The following TAF11 variants were observed in gnomAD, a reference collection of about 807,000 sequenced individuals.
TAF11 encodes the protein TATA-box binding protein associated factor 11.
A neutral mutation model predicts 23.0 loss-of-function variants in TAF11; 10 were observed. That is an observed-to-expected ratio of 0.43 (90% CI 0.27 to 0.74). The LOEUF (loss-of-function observed/expected upper bound fraction) is 0.74. Ranked by LOEUF, TAF11 falls within the 30% of genes least tolerant of loss-of-function variation. The probability of loss-of-function intolerance (pLI) is 0.19; values close to 1 mark genes in which losing one functional copy is unlikely to be tolerated. For synonymous variants in TAF11, 85 were observed against 95.8 expected (o/e 0.89, Z 0.66); for missense variants, 196 against 261.7 (o/e 0.75, Z 1.73).
rs1766341353 is a variant in TAF11 at position 34,878,067 on chromosome 6, A to G, written c.*523T>C. 1 of 152,498 alleles carries G rather than the reference A, an allele frequency of 6.6e-6. No individual in the cohort carries two copies. Among genetic ancestry groups the G allele is most frequent in the Non-Finnish European group, 1.5e-5 (1 of 68,348 alleles). 9.4% of individuals were successfully genotyped at this position (152,498 alleles called of 1,614,324 possible). On this transcript the variant is annotated 3_prime_UTR_variant, in exon 5 of 5. Coordinates refer to ENST00000361288, the MANE Select transcript of TAF11 (RefSeq NM_005643.4). The stretch of plus-strand genomic sequence containing the variant: ...GAGTTCACGACCAGCCTGGGCAACA[A>G]AGCAAGACCCCATCTCCATAAAAAA...
In TAF11 at chr6:34,879,823, C is replaced by G. The variant is rs140797884; in HGVS notation, c.505+144G>C. On this transcript the variant is annotated intron_variant, in intron 4 of 4. Coordinates refer to ENST00000361288, the MANE Select transcript of TAF11 (RefSeq NM_005643.4). ...TTGCAAGGAATAACAGTCATGTTCT[C>G]CTAAATAAAGGGCTCCCCACTTGGT... 1.2e-4 allele frequency: 172 copies of G among 1,442,692 alleles called. No homozygotes were observed. The African/African-American group carries it at 1.8e-3, about 15-fold the overall frequency. The allele number at this position is 1,442,692 out of a possible 1,614,324, so 89.4% of individuals were successfully genotyped here.
chr6:34,880,158 G>T lies in TAF11; in HGVS notation c.409-95C>A. The stretch of plus-strand genomic sequence containing the variant: ...ATTCACAGAAAAAGGTAAGATAACT[G>T]AAGTGCATTTTTTTTCCCACCTAAA... On this transcript the variant is annotated intron_variant, in intron 3 of 4. Transcript: ENST00000361288. The surrounding 1 kb of genome is among the most constrained non-coding windows in gnomAD (Gnocchi z 4.8). The T allele has an allele frequency of 2.0e-6, 3 of 1,526,456 alleles. No individual in the cohort carries two copies. Among genetic ancestry groups the T allele is most frequent in the Non-Finnish European group, 2.7e-6 (3 of 1,105,702 alleles). 94.6% of individuals were successfully genotyped at this position (1,526,456 alleles called of 1,614,324 possible).
intron 1 of TAF11, among the ~76,000 whole-genome samples, chr6:34,884,730 G>C (rs962291345): frequency 6.6e-6 from 1 of 152,120 alleles, no homozygotes; most frequent in Non-Finnish European, 1.5e-5. Flanking sequence ...ACTCATACAG[G>C]AATATGGGAA....
At chr6:34,884,696 C>T (rs1766499522) in intron 1 of TAF11, among the ~76,000 whole-genome samples, 1 of 152,128 alleles carries the variant, frequency 6.6e-6, no homozygotes, top group South Asian at 2.1e-4. Flanking sequence ...TTTAACTTGT[C>T]CCTAAAGAGG....
rs746169808 is a variant in TAF11 at position 34,883,098 on chromosome 6, ACT to A, written c.172-20_172-19del. ...CTCTCGAGCTGGGAAGATGAAAGAAACTCTATTATATATTTGGCCTACTTTCC... is the reference window on the plus strand; with the variant it reads ...CTCTCGAGCTGGGAAGATGAAAGAAACTATTATATATTTGGCCTACTTTCC... On this transcript the variant is annotated intron_variant, in intron 1 of 4. Coordinates refer to ENST00000361288, the MANE Select transcript of TAF11 (RefSeq NM_005643.4). 1.9e-6 allele frequency: 3 copies of A among 1,602,298 alleles called. No individual in the cohort carries two copies. The highest frequency in any genetic ancestry group is 1.7e-5 in the Admixed American group (1 of 57,312).
At chr6:34,887,645 C>T in intron 1 of TAF11, 142 bp downstream of exon 1, 3 of 1,020,536 alleles carry the variant, frequency 2.9e-6, no homozygotes, top group Non-Finnish European at 4.4e-6. Flanking sequence ...CCCTCTCTTC[C>T]CCCTCAAGAT....
At position 34,887,960 on chromosome 6, in the gene TAF11, C is replaced by G. The variant is rs1157546230; in HGVS notation, c.-3G>C. 1 of 1,613,988 alleles carries G rather than the reference C, an allele frequency of 6.2e-7. No individual in the cohort carries two copies. Among genetic ancestry groups the G allele is most frequent in the South Asian group, 1.1e-5 (1 of 91,084 alleles). ...GGCGACTCGTGGGCATCGTCCATCA[C>G]GGATAGGATTGGAGGGGAGAGGAGA... is the stretch of plus-strand genomic sequence containing the variant. On this transcript the variant is annotated 5_prime_UTR_variant, in exon 1 of 5. Transcript: ENST00000361288.
chr6:34,883,780 A>G (rs1766486751), intron 1 of TAF11, among the ~76,000 whole-genome samples: 1 of 152,218 alleles, frequency 6.6e-6, no homozygotes, highest in African/African-American at 2.4e-5. Context: ...CACTTCTCAA[A>G]ACAAGACATA....
Position 34,880,461 on chromosome 6 carries a change from C to T in TAF11, c.321-85G>A. The T allele has an allele frequency of 7.4e-7, 1 of 1,344,412 alleles. No homozygotes were observed. Among genetic ancestry groups the T allele is most frequent in the Non-Finnish European group, 1.0e-6 (1 of 960,086 alleles). The allele number at this position is 1,344,412 out of a possible 1,614,324, so 83.3% of individuals were successfully genotyped here. Reference sequence around the variant, plus strand: ...AAGTCAATAAAAGTTTCAGACAATTCAAAAACGAATTCTTAAAGGGGTCAA... The same window carrying T: ...AAGTCAATAAAAGTTTCAGACAATTTAAAAACGAATTCTTAAAGGGGTCAA... On this transcript the variant is annotated intron_variant, in intron 2 of 4. Coordinates refer to ENST00000361288, the MANE Select transcript of TAF11 (RefSeq NM_005643.4). The surrounding 1 kb of genome is among the most constrained non-coding windows in gnomAD (Gnocchi z 4.8).
chr6:34,886,238 G>A (rs929055909), intron 1 of TAF11, among the ~76,000 whole-genome samples: 1 of 151,990 alleles, frequency 6.6e-6, no homozygotes, highest in South Asian at 2.1e-4. Context: ...CCAGGAGGCA[G>A]AGACTGTGCC....
At position 34,880,207 on chromosome 6, in the gene TAF11, C is replaced by T; in HGVS notation, c.408+82G>A. 7 of 1,551,488 alleles carry T rather than the reference C, an allele frequency of 4.5e-6. No individual in the cohort carries two copies. Among genetic ancestry groups the T allele is most frequent in the Non-Finnish European group, 5.3e-6 (6 of 1,126,958 alleles). Reference sequence around the variant, plus strand: ...AATAATCCCCTGACTTGTCTAACACCTCACTTCAAATGCCAATGGACATGG... The same window carrying T: ...AATAATCCCCTGACTTGTCTAACACTTCACTTCAAATGCCAATGGACATGG... On this transcript the variant is annotated intron_variant, in intron 3 of 4. Transcript: ENST00000361288. The surrounding 1 kb of genome is among the most constrained non-coding windows in gnomAD (Gnocchi z 4.8).
In TAF11 at chr6:34,878,439, G is replaced by A. The variant is rs956694135; in HGVS notation, c.*151C>T. The A allele has an allele frequency of 2.8e-5, 18 of 648,706 alleles. No individual in the cohort carries two copies. The highest frequency in any genetic ancestry group is 1.0e-4 in the Admixed American group (4 of 39,978). 40.2% of individuals were successfully genotyped at this position (648,706 alleles called of 1,614,324 possible). A position where few individuals can be genotyped will look rare whatever the true frequency, so the allele number is the denominator to read the frequency against. On this transcript the variant is annotated 3_prime_UTR_variant, in exon 5 of 5. Transcript: ENST00000361288. ...CAATCAGGCTACATACTTTCTAGGT[G>A]TGACAAATATCAGAGTTTTGAGAAA... is the stretch of plus-strand genomic sequence containing the variant.
At chr6:34,884,944 G>A (rs1186291799) in intron 1 of TAF11, among the ~76,000 whole-genome samples, 3 of 151,974 alleles carry the variant, frequency 2.0e-5, no homozygotes, top group Non-Finnish European at 4.4e-5. Flanking sequence ...CTCCATATTA[G>A]TGCCTATAGC....
chr6:34,879,610 A>T, intron 4 of TAF11: 1 of 985,018 alleles, frequency 1.0e-6, no homozygotes, highest in Non-Finnish European at 1.2e-6. Flanking sequence ...GGATCACAAC[A>T]TTAGGGACAA....
rs1357936841 is a variant in TAF11 at position 34,878,737 on chromosome 6, G to A, written c.506-17C>T. Reference sequence around the variant, plus strand: ...CATCCAGTGCTAAACAGAGGGTAAGGAGAAAGTCTGATTATCACACAATAA... The same window carrying A: ...CATCCAGTGCTAAACAGAGGGTAAGAAGAAAGTCTGATTATCACACAATAA... On this transcript the variant is annotated splice_polypyrimidine_tract_variant and intron_variant, in intron 4 of 4. Transcript: ENST00000361288. 1.9e-6 allele frequency: 3 copies of A among 1,607,908 alleles called. No individual in the cohort carries two copies. The highest frequency in any genetic ancestry group is 2.7e-5 in the African/African-American group (2 of 74,772).
At chr6:34,878,834 A>G (rs1366391237) in intron 4 of TAF11, 114 bp from the exon 5 acceptor site, 3 of 906,538 alleles carry the variant, frequency 3.3e-6, no homozygotes, top group East Asian at 2.6e-5. Context: ...AAGGAAATAA[A>G]CAGACATTTT....
chr6:34,878,683 T>C lies in TAF11; in HGVS notation c.543A>G (p.Pro181=). The C allele has an allele frequency of 6.2e-7, 1 of 1,614,116 alleles. No homozygotes were observed. ...DVCEKWGEMP[P]LQPKHMREAV... is the part of the protein sequence containing the mutation. ...CTTCCCTCATATGTTTGGGTTGTAGTGGTGGCATTTCTCCCCACTTCTCAC... is the reference window on the plus strand; with the variant it reads ...CTTCCCTCATATGTTTGGGTTGTAGCGGTGGCATTTCTCCCCACTTCTCAC... The change falls in exon 5 of 5, where the codon CCA becomes CCG. Residue 181 remains proline, a synonymous_variant. Coordinates refer to ENST00000361288, the MANE Select transcript of TAF11 (RefSeq NM_005643.4).
rs764685922 is a variant in TAF11 at position 34,880,255 on chromosome 6, G to A, written c.408+34C>T. On this transcript the variant is annotated intron_variant, in intron 3 of 4. Coordinates refer to ENST00000361288, the MANE Select transcript of TAF11 (RefSeq NM_005643.4). This position sits in a 1 kb window ranked among gnomAD's most constrained non-coding sequence, Gnocchi z 4.8. ...TGGCTCTTGAGTTCAGTTCTAAAAC[G>A]TGATGGAGATGAAGTGTGGTGGTCC... is the stretch of plus-strand genomic sequence containing the variant. 15 of 1,607,738 alleles carry A rather than the reference G, an allele frequency of 9.3e-6. No homozygotes were observed. Among genetic ancestry groups the A allele is most frequent in the East Asian group, 6.7e-5 (3 of 44,842 alleles).
rs1490481133 is a variant in TAF11 at position 34,887,952 on chromosome 6, G to A, written c.6C>T (p.Asp2=). 2 of 1,614,132 alleles carry A rather than the reference G, an allele frequency of 1.2e-6. No homozygotes were observed. The highest frequency in any genetic ancestry group is 1.7e-6 in the Non-Finnish European group (2 of 1,180,036). The part of the protein sequence containing the change: M[D]DAHESPSDKG... Reference sequence around the variant, plus strand: ...TGTCGGAGGGCGACTCGTGGGCATCGTCCATCACGGATAGGATTGGAGGGG... The same window carrying A: ...TGTCGGAGGGCGACTCGTGGGCATCATCCATCACGGATAGGATTGGAGGGG... Residue 2 remains aspartate (D), a synonymous_variant, in exon 1 of 5, where the codon GAC becomes GAT. Transcript: ENST00000361288.
Sources: gnomAD v4.1 joint callset for allele counts (sites outside exome capture counted in the v4.1 genomes callset) on GRCh38, gnomAD v4.1.1 for gene constraint, Gnocchi (gnomAD v3.1) non-coding constraint, MANE v1.5 for transcripts, NCBI Gene and HGNC (gene_info 2026-07-23, HGNC 2026-07-21) for gene names.